The following STT3B variants were observed in gnomAD, a reference collection of about 807,000 sequenced individuals.
STT3B encodes the protein dolichyl-diphosphooligosaccharide--protein glycosyltransferase subunit STT3B.
In STT3B, 29 loss-of-function variants were observed where a neutral mutation model predicts 96.8. The observed-to-expected ratio is 0.30, with a 90% confidence interval of 0.22 to 0.41. The LOEUF (loss-of-function observed/expected upper bound fraction) is 0.41. Among genes scored for constraint, STT3B ranks in the 10% least tolerant of loss-of-function variants. The probability of loss-of-function intolerance (pLI) is 1.00; values close to 1 mark genes in which losing one functional copy is unlikely to be tolerated. For missense variants in STT3B, 640 were observed against 1,022.3 expected (o/e 0.63, Z 5.10); for synonymous variants, 367 against 360.0 (o/e 1.02, Z -0.22).
intron 11 of STT3B, among the ~76,000 whole-genome samples, chr3:31,624,347 T>C (rs1423593024): frequency 6.6e-6 from 1 of 152,224 alleles, no homozygotes; most frequent in Non-Finnish European, 1.5e-5. Context: ...TATTTCATGC[T>C]CTTTTCCAGA....
At chr3:31,600,329 T>A (rs754979462) in intron 4 of STT3B, 31 bp from the exon 5 acceptor site, 2 of 972,662 alleles carry the variant, frequency 2.1e-6, no homozygotes, top group Non-Finnish European at 3.1e-6. Context: ...AGTAAAAATA[T>A]ATATTTAACT....
intron 14 of STT3B, among the ~76,000 whole-genome samples, chr3:31,632,669 G>T (rs1427060861): frequency 2.1e-5 from 3 of 144,560 alleles, no homozygotes; most frequent in African/African-American, 7.7e-5. Context: ...GTTTTGGTGG[G>T]TTTTTTTTTT....
chr3:31,614,328 A>G (rs1490326340), intron 5 of STT3B, among the ~76,000 whole-genome samples: 1 of 151,954 alleles, frequency 6.6e-6, no homozygotes, highest in Non-Finnish European at 1.5e-5. Context: ...AGTTTCAGTG[A>G]CTTCAAATAC....
At chr3:31,541,748 TTG>T (rs918347465) in intron 1 of STT3B, among the ~76,000 whole-genome samples, 17 of 152,164 alleles carry the variant, frequency 1.1e-4, no homozygotes, top group African/African-American at 3.1e-4. Context: ...GGCTAATTTT[TTG>T]TGTTTTTAGC....
Position 31,629,390 on chromosome 3 carries a change from C to G in STT3B, c.2166C>G (p.Tyr722Ter). Reference sequence around the variant, plus strand: ...ATTGCCTTATGTATAAAATGTCATACTACAGATTTGGAGAAATGCAGGTTA... The same window carrying G: ...ATTGCCTTATGTATAAAATGTCATAGTACAGATTTGGAGAAATGCAGGTTA... ...LLNCLMYKMS[Y>*]YRFGEMQLDF... The change falls in exon 14 of 16, where the codon TAC becomes TAG. Residue 722 changes from tyrosine to a stop codon, truncating the protein, a stop_gained. Transcript: ENST00000295770. LOFTEE classifies it high-confidence loss of function. 6.3e-7 allele frequency: 1 copy of G among 1,595,896 alleles called. No homozygotes were observed. The highest frequency in any genetic ancestry group is 8.6e-7 in the Non-Finnish European group (1 of 1,167,270).
intron 3 of STT3B, among the ~76,000 whole-genome samples, chr3:31,582,300 CTT>C (rs11430589): frequency 7.2e-5 from 10 of 139,242 alleles, no homozygotes; most frequent in Non-Finnish European, 9.2e-5. Flanking sequence ...TTCTTTCCTT[CTT>C]TTTTTTTTTT....
At chr3:31,552,511 T>C (rs951964373) in intron 1 of STT3B, among the ~76,000 whole-genome samples, 3 of 151,744 alleles carry the variant, frequency 2.0e-5, no homozygotes, top group African/African-American at 4.9e-5. Flanking sequence ...TACATTGCTT[T>C]CTTACCTTTT....
chr3:31,619,398 A>G (rs577822877), intron 8 of STT3B, among the ~76,000 whole-genome samples: 1 of 152,332 alleles, frequency 6.6e-6, no homozygotes, highest in Non-Finnish European at 1.5e-5. Flanking sequence ...ACAAATTGCC[A>G]GTTGAACAGA....
chr3:31,598,310 C>T (rs975927987), intron 4 of STT3B, among the ~76,000 whole-genome samples: 23 of 151,992 alleles, frequency 1.5e-4, no homozygotes, highest in African/African-American at 4.6e-4. Context: ...ATTAGTTTTT[C>T]GTATTGGAGT....
intron 2 of STT3B, among the ~76,000 whole-genome samples, chr3:31,577,451 G>T (rs1257593530): frequency 7.2e-5 from 11 of 151,996 alleles, no homozygotes; most frequent in Non-Finnish European, 1.3e-4. Flanking sequence ...GGATTATTTA[G>T]AATTGTATTT....
intron 1 of STT3B, among the ~76,000 whole-genome samples, chr3:31,544,832 C>T (rs1446452714): frequency 3.3e-5 from 5 of 152,078 alleles, no homozygotes; most frequent in South Asian, 2.1e-4. Flanking sequence ...AAAAATTAGA[C>T]GGGCTGAGGC....
intron 1 of STT3B, among the ~76,000 whole-genome samples, chr3:31,543,280 CTTAAG>C (rs1398466254): frequency 2.6e-5 from 4 of 152,130 alleles, no homozygotes. Flanking sequence ...CTCAAGGAGA[CTTAAG>C]TTATTTGTTC....
At chr3:31,544,613 A>C (rs184111369) in intron 1 of STT3B, among the ~76,000 whole-genome samples, 3 of 152,336 alleles carry the variant, frequency 2.0e-5, no homozygotes, top group Admixed American at 1.3e-4. Flanking sequence ...TTTGTCCATC[A>C]GTGTGCCTTT....
Position 31,580,002 on chromosome 3 carries a change from C to G in STT3B, c.617C>G (p.Ala206Gly). Residue 206 changes from alanine to glycine, a missense_variant, in exon 3 of 16, where the codon GCT (alanine) becomes GGT (glycine). Around this residue, in one of 8 missense-constraint regions of STT3B, gnomAD observed 267 missense variants for 388.3 expected, o/e 0.69. Coordinates refer to ENST00000295770, the MANE Select transcript of STT3B (RefSeq NM_178862.3). ...GAGLLAACFI[A>G]IVPGYISRSV... ...GGACTTTTAGCTGCTTGTTTTATTG[C>G]TATTGTACCAGGCTACATATCTCGG... 6.2e-7 allele frequency: 1 copy of G among 1,613,792 alleles called. No individual in the cohort carries two copies. The highest frequency in any genetic ancestry group is 8.5e-7 in the Non-Finnish European group (1 of 1,179,782).
At chr3:31,613,823 A>G (rs1699240952) in intron 5 of STT3B, among the ~76,000 whole-genome samples, 1 of 152,024 alleles carries the variant, frequency 6.6e-6, no homozygotes. Context: ...GGTACGTCAT[A>G]GAGGGTAATT....
intron 3 of STT3B, among the ~76,000 whole-genome samples, chr3:31,581,261 A>G (rs1338691048): frequency 1.3e-5 from 2 of 152,160 alleles, no homozygotes; most frequent in African/African-American, 2.4e-5. Flanking sequence ...GAGGTGGGCA[A>G]TATTAAGGGA....
intron 1 of STT3B, among the ~76,000 whole-genome samples, chr3:31,549,903 G>A (rs1697508541): frequency 6.6e-6 from 1 of 151,916 alleles, no homozygotes; most frequent in Admixed American, 6.6e-5. Context: ...ATCTCTATTG[G>A]GCTTAGCTGA....
intron 1 of STT3B, among the ~76,000 whole-genome samples, chr3:31,570,962 T>C (rs1698121588): frequency 6.6e-6 from 1 of 152,096 alleles, no homozygotes; most frequent in Non-Finnish European, 1.5e-5. Context: ...TAGGGATTCT[T>C]TCTGAACTGA....
chr3:31,635,961 C>T, intron 15 of STT3B, 23 bp from the exon 16 acceptor site: 1 of 1,563,452 alleles, frequency 6.4e-7, no homozygotes, highest in Non-Finnish European at 8.7e-7. Context: ...TGCATTAATA[C>T]TATGTGTTTT....
Sources: gnomAD v4.1 joint callset for allele counts (sites outside exome capture counted in the v4.1 genomes callset) on GRCh38, gnomAD v4.1.1 for gene constraint, gnomAD v4.1.1 regional missense constraint, MANE v1.5 for transcripts, NCBI Gene and HGNC (gene_info 2026-07-23, HGNC 2026-07-21) for gene names.